Variants in JPH2 observed in about 807,000 individuals in gnomAD.
JPH2 encodes the protein junctophilin-2.
In JPH2, 38 loss-of-function variants were observed where a neutral mutation model predicts 55.9. The ratio of observed to expected loss-of-function variants is 0.68; its 90% CI spans 0.52 to 0.89. The LOEUF (loss-of-function observed/expected upper bound fraction) is 0.89. Ranked by LOEUF, JPH2 falls within the 40% of genes least tolerant of loss-of-function variation. The pLI is 0.00. For missense variants in JPH2, 964 were observed against 1,037.6 expected, an observed-to-expected ratio of 0.93 and a Z score of 0.97; for synonymous variants, 480 against 472.4, an observed-to-expected ratio of 1.02 and a Z score of -0.21.
chr20:44,160,048 T>C lies in JPH2; in HGVS notation c.739A>G (p.Ser247Gly). Residue 247 changes from serine to glycine, a missense_variant, in exon 2 of 6, where the codon AGC becomes GGC. Transcript: ENST00000372980. The surrounding 1 kb of genome is among the most constrained non-coding windows in gnomAD (Gnocchi z 4.9). ...GAGCTGAGGTCGCTCTTAAGGAAGC[T>C]GACACGGCTGCGCTGGCTACCCACG... ...TSVGSQRSRV[S>G]FLKSDLSSGA... is the part of the protein sequence containing the mutation. 6 of 1,549,520 alleles carry C rather than the reference T, an allele frequency of 3.9e-6. No homozygotes were observed. Among genetic ancestry groups the C allele is most frequent in the Non-Finnish European group, 5.2e-6 (6 of 1,154,056 alleles).
chr20:44,165,411 G>A lies in JPH2; in HGVS notation c.380-5004C>T, dbSNP rs989521040. 3.9e-5 allele frequency among the ~76,000 whole-genome samples: 6 copies of A among 151,960 alleles called. No individual in the cohort carries two copies. In the East Asian group the frequency reaches 7.7e-4, roughly 20 times the overall value. ...AGCCGCTTCTCACCACCTCCACTTC[G>A]ACTAGAGAGTGGTCTGTGCCACCGT... On this transcript the variant is annotated intron_variant, in intron 1 of 5. Transcript: ENST00000372980.
chr20:44,115,418 T>A (rs2072180589), intron 4 of JPH2, among the ~76,000 whole-genome samples: 1 of 152,168 alleles, frequency 6.6e-6, no homozygotes, highest in Admixed American at 6.5e-5. Context: ...GAACTGTCTC[T>A]GCCAATGGGA....
rs1569180876 is a variant in JPH2, at chr20:44,115,895, A to T, written c.1780T>A (p.Ser594Thr). The change falls in exon 4 of 6, where the codon TCC (serine) becomes ACC (threonine). Residue 594 changes from serine (S) to threonine (T), a missense_variant. By Grantham distance (58) the Ser-to-Thr change is moderately conservative. Transcript: ENST00000372980. Reference sequence around the variant, plus strand: ...GCGGTGGCCGGGGACGAGGGCGCGGACTCGGACCCGGAGACCTCGGGCTCG... The same window carrying T: ...GCGGTGGCCGGGGACGAGGGCGCGGTCTCGGACCCGGAGACCTCGGGCTCG... ...QPEPEVSGSE[S>T]APSSPATAPL... 1.3e-6 allele frequency: 2 copies of T among 1,576,066 alleles called. No homozygotes were observed. The highest frequency in any genetic ancestry group is 1.7e-6 in the Non-Finnish European group (2 of 1,167,580).
At chr20:44,134,883 TATATTA>T (rs2072395808) in intron 2 of JPH2, among the ~76,000 whole-genome samples, 3 of 47,900 alleles carry the variant, frequency 6.3e-5, no homozygotes, top group Admixed American at 3.8e-4. Flanking sequence ...TATTTATATA[TATATTA>T]ATATATATTT....
At chr20:44,114,628 A>T (rs956394595) in intron 5 of JPH2, among the ~76,000 whole-genome samples, 154 bp downstream of exon 5, 18 of 147,746 alleles carry the variant, frequency 1.2e-4, no homozygotes, top group African/African-American at 4.5e-4. Flanking sequence ...ATCAAATCAC[A>T]CTCTAGGTCT....
At chr20:44,138,009 C>CG (rs1569197746) in intron 2 of JPH2, among the ~76,000 whole-genome samples, 1 of 140,776 alleles carries the variant, frequency 7.1e-6, no homozygotes, top group East Asian at 2.0e-4. Flanking sequence ...TTAAAAAGAC[C>CG]TTTTTTTTTT....
intron 1 of JPH2, among the ~76,000 whole-genome samples, chr20:44,164,055 A>G (rs2072636005): frequency 6.6e-6 from 1 of 152,252 alleles, no homozygotes; most frequent in Non-Finnish European, 1.5e-5. Context: ...GTTGATGTTC[A>G]GAGAAGTTAT....
chr20:44,114,957 G>A (rs1229843491), intron 4 of JPH2, 81 bp from the exon 5 acceptor site: 14 of 1,088,074 alleles, frequency 1.3e-5, no homozygotes, highest in Non-Finnish European at 1.4e-6. Context: ...AGGCTGGACA[G>A]AGCAGGAACT....
intron 1 of JPH2, among the ~76,000 whole-genome samples, chr20:44,179,115 AG>A (rs2072759644): frequency 6.6e-6 from 1 of 152,172 alleles, no homozygotes; most frequent in South Asian, 2.1e-4. Flanking sequence ...TAACAATAAT[AG>A]TAGTAGTAGT....
intron 2 of JPH2, among the ~76,000 whole-genome samples, chr20:44,120,125 G>A (rs1345540198): frequency 6.6e-6 from 1 of 152,032 alleles, no homozygotes; most frequent in African/African-American, 2.4e-5. Context: ...GCCTCCCTCA[G>A]TAAATCACTT....
At chr20:44,130,545 C>T (rs1012875987) in intron 2 of JPH2, among the ~76,000 whole-genome samples, 4 of 152,358 alleles carry the variant, frequency 2.6e-5, no homozygotes, top group Admixed American at 2.6e-4. Context: ...AACCTCGGGC[C>T]TTGCTCCTCC....
intron 4 of JPH2, 34 bp from the exon 5 acceptor site, chr20:44,114,910 C>T (rs998420731): frequency 6.5e-7 from 1 of 1,543,200 alleles, no homozygotes; most frequent in Admixed American, 1.9e-5. Flanking sequence ...CCTGAGTCCC[C>T]ATGGCCTCGG....
At chr20:44,157,548 G>A (rs1307808368) in intron 2 of JPH2, among the ~76,000 whole-genome samples, 1 of 152,118 alleles carries the variant, frequency 6.6e-6, no homozygotes, top group East Asian at 1.9e-4. Context: ...CTGCTTCCTG[G>A]GGAACTCACC....
intron 1 of JPH2, among the ~76,000 whole-genome samples, chr20:44,176,316 G>GTATT (rs1226182561): frequency 8.6e-6 from 1 of 116,170 alleles, no homozygotes; most frequent in Non-Finnish European, 1.7e-5. Context: ...GATCCTATCT[G>GTATT]TCTTTTTTTT....
In JPH2 at chr20:44,135,283, AACTTCATG is replaced by A. The variant is rs377582660; in HGVS notation, c.1170-16668_1170-16661del. 5.3e-5 allele frequency among the ~76,000 whole-genome samples: 8 copies of A among 152,222 alleles called. No individual in the cohort carries two copies. In the East Asian group the frequency reaches 1.2e-3, roughly 22 times the overall value. On this transcript the variant is annotated intron_variant, in intron 2 of 5. Coordinates refer to ENST00000372980, the MANE Select transcript of JPH2 (RefSeq NM_020433.5). ...GGATGACATGGAAATGCTTTCATGT[AACTTCATG>A]ACTTAGCTCCTGCCAACCTCTCTGG...
chr20:44,158,947 G>A (rs1320882141), intron 2 of JPH2, among the ~76,000 whole-genome samples: 2 of 152,136 alleles, frequency 1.3e-5, no homozygotes, highest in African/African-American at 4.8e-5. Flanking sequence ...ACGGGTGAGT[G>A]GTTGAAAGGG....
chr20:44,140,444 A>G (rs929368176), intron 2 of JPH2, among the ~76,000 whole-genome samples: 2 of 152,146 alleles, frequency 1.3e-5, no homozygotes, highest in African/African-American at 4.8e-5. Flanking sequence ...AGCAGGTCCT[A>G]TGGGATGATG....
At position 44,186,799 on chromosome 20, in the gene JPH2, A is replaced by C; in HGVS notation, c.-94T>G. 7.7e-7 allele frequency: 1 copy of C among 1,305,246 alleles called. No homozygotes were observed. The highest frequency in any genetic ancestry group is 1.1e-6 in the Non-Finnish European group (1 of 917,534). 80.9% of individuals were successfully genotyped at this position (1,305,246 alleles called of 1,614,324 possible). A position where few individuals can be genotyped will look rare whatever the true frequency, so the allele number is the denominator to read the frequency against. Reference sequence around the variant, plus strand: ...ACACTCCTCCAGTGCCCTCGGGGGCAGGCCCCCAGACTCACCACTGCACCC... The same window carrying C: ...ACACTCCTCCAGTGCCCTCGGGGGCCGGCCCCCAGACTCACCACTGCACCC... On this transcript the variant is annotated 5_prime_UTR_variant, in exon 1 of 6. Coordinates refer to ENST00000372980, the MANE Select transcript of JPH2 (RefSeq NM_020433.5).
intron 2 of JPH2, among the ~76,000 whole-genome samples, chr20:44,121,062 G>A (rs1196039897): frequency 2.7e-5 from 3 of 110,878 alleles, no homozygotes; most frequent in African/African-American, 1.1e-4. Flanking sequence ...CCGTGAAGGA[G>A]GAGTAGAGAA....
Sources: allele counts gnomAD v4.1 joint callset (sites outside exome capture counted in the v4.1 genomes callset), GRCh38; gene constraint gnomAD v4.1.1; non-coding constraint Gnocchi (gnomAD v3.1); transcripts MANE v1.5; gene names NCBI Gene and HGNC (gene_info 2026-07-23, HGNC 2026-07-21).